Variants in UNC5A observed in about 807,000 individuals in gnomAD.
UNC5A encodes unc-5 netrin receptor A.
In UNC5A, 20 loss-of-function variants were observed where a neutral mutation model predicts 87.4. The ratio of observed to expected loss-of-function variants is 0.23; its 90% CI spans 0.16 to 0.33. The LOEUF (loss-of-function observed/expected upper bound fraction) is 0.33. UNC5A is among the 10% of genes least tolerant of loss of function. UNC5A has a pLI of 1.00. For synonymous variants in UNC5A, 438 were observed against 482.3 expected, an observed-to-expected ratio of 0.91 and a Z score of 1.20; for missense variants, 844 against 1,133.4, an observed-to-expected ratio of 0.74 and a Z score of 3.67.
chr5:176,853,404 G>A (rs1046093134), intron 1 of UNC5A, among the ~76,000 whole-genome samples: 7 of 152,116 alleles, frequency 4.6e-5, no homozygotes, highest in East Asian at 3.9e-4. Context: ...AGATGGGAGC[G>A]GTGCCGCCCC....
chr5:176,860,628 C>T (rs772227426), intron 1 of UNC5A, among the ~76,000 whole-genome samples: 1 of 151,934 alleles, frequency 6.6e-6, no homozygotes, highest in Non-Finnish European at 1.5e-5. Context: ...TCAGGTTCCC[C>T]GTCAATAAGG....
Position 176,852,090 on chromosome 5 carries a change from T to C in UNC5A, c.71-10534T>C, listed in dbSNP as rs1225947767. 3.9e-5 allele frequency among the ~76,000 whole-genome samples: 6 copies of C among 152,198 alleles called. No homozygotes were observed. In the South Asian group the frequency reaches 1.2e-3, roughly 32 times the overall value. ...TACCCTCTCTTGGCCTCTCGCCTTT[T>C]GGGGAGCTGTGCCAGGAATTCTTTA... On this transcript the variant is annotated intron_variant, in intron 1 of 14. Transcript: ENST00000329542.
intron 1 of UNC5A, among the ~76,000 whole-genome samples, chr5:176,861,832 G>A (rs1055343938): frequency 2.0e-5 from 3 of 152,246 alleles, no homozygotes; most frequent in African/African-American, 7.2e-5. Context: ...GGGAGGCTGA[G>A]GACCTGTTCA....
intron 11 of UNC5A, 48 bp from the exon 12 acceptor site, chr5:176,878,196 T>G: frequency 6.9e-6 from 11 of 1,603,508 alleles, no homozygotes; most frequent in Non-Finnish European, 9.4e-6. Context: ...ACTGCCTGCC[T>G]TGGGCGCAGT....
intron 2 of UNC5A, among the ~76,000 whole-genome samples, 194 bp from the exon 3 acceptor site, chr5:176,867,936 G>A (rs1758014243): frequency 6.6e-6 from 1 of 151,898 alleles, no homozygotes; most frequent in Non-Finnish European, 1.5e-5. Context: ...AGCGGCCCTT[G>A]GGCCCCCTGG....
intron 8 of UNC5A, among the ~76,000 whole-genome samples, chr5:176,876,063 G>T (rs1758255361): frequency 6.6e-6 from 1 of 152,252 alleles, no homozygotes; most frequent in Non-Finnish European, 1.5e-5. Flanking sequence ...CTGTGCTGTG[G>T]TTGACTTGTC....
intron 3 of UNC5A, 28 bp downstream of exon 3, chr5:176,868,301 G>C: frequency 5.0e-6 from 8 of 1,611,412 alleles, no homozygotes; most frequent in Non-Finnish European, 6.8e-6. Flanking sequence ...CCCTGGGGGA[G>C]GGCGCACGGC....
chr5:176,822,397 A>C (rs1187655498), intron 1 of UNC5A, among the ~76,000 whole-genome samples: 1 of 152,202 alleles, frequency 6.6e-6, no homozygotes, highest in Non-Finnish European at 1.5e-5. Context: ...TGAAACTAGC[A>C]GCAGTGGGCG....
chr5:176,868,309 G>C, intron 3 of UNC5A, 36 bp downstream of exon 3: 1 of 1,609,826 alleles, frequency 6.2e-7, no homozygotes, highest in African/African-American at 1.3e-5. Flanking sequence ...GAGGGCGCAC[G>C]GCGGGAGGGT....
intron 8 of UNC5A, 114 bp from the exon 9 acceptor site, chr5:176,877,078 C>T: frequency 1.2e-6 from 1 of 831,888 alleles, no homozygotes. Context: ...CCTCTGTCCC[C>T]AGGCCGGGCT....
chr5:176,820,090 G>A (rs919167858), intron 1 of UNC5A, among the ~76,000 whole-genome samples: 8 of 152,048 alleles, frequency 5.3e-5, no homozygotes, highest in African/African-American at 1.2e-4. Flanking sequence ...GTGAAACCTC[G>A]TCTCTACTAA....
chr5:176,869,108 C>A lies in UNC5A; in HGVS notation c.721+144C>A. On this transcript the variant is annotated intron_variant, in intron 5 of 14. Coordinates refer to ENST00000329542, the MANE Select transcript of UNC5A (RefSeq NM_133369.3). This position sits in a 1 kb window ranked among gnomAD's most constrained non-coding sequence, Gnocchi z 9.1. ...CTGACTAGGCAGGATAAGCAAAGGG[C>A]TCTCTGTGACTGCTGGGGGCCCAGG... 1 of 926,624 alleles carries A rather than the reference C, an allele frequency of 1.1e-6. No individual in the cohort carries two copies. Among genetic ancestry groups the A allele is most frequent in the Non-Finnish European group, 1.6e-6 (1 of 639,050 alleles). 57.4% of individuals were successfully genotyped at this position (926,624 alleles called of 1,614,324 possible).
At position 176,874,714 on chromosome 5, in the gene UNC5A, T is replaced by C; in HGVS notation, c.1378+148T>C. The C allele has an allele frequency of 1.1e-6, 1 of 947,310 alleles. No individual in the cohort carries two copies. Among genetic ancestry groups the C allele is most frequent in the Non-Finnish European group, 1.5e-6 (1 of 668,070 alleles). The allele number at this position is 947,310 out of a possible 1,614,324, so 58.7% of individuals were successfully genotyped here. Reference sequence around the variant, plus strand: ...GTTTTGGGGAGAACCCAGTCTTGGCTGGCACCGAGGCCGTGGCCAGAGCTG... The same window carrying C: ...GTTTTGGGGAGAACCCAGTCTTGGCCGGCACCGAGGCCGTGGCCAGAGCTG... On this transcript the variant is annotated intron_variant, in intron 8 of 14. Coordinates refer to ENST00000329542, the MANE Select transcript of UNC5A (RefSeq NM_133369.3). This position sits in a 1 kb window ranked among gnomAD's most constrained non-coding sequence, Gnocchi z 7.6.
intron 1 of UNC5A, among the ~76,000 whole-genome samples, chr5:176,847,416 C>A (rs1757437205): frequency 6.6e-6 from 1 of 152,088 alleles, no homozygotes; most frequent in South Asian, 2.1e-4. Flanking sequence ...GCTGCCGAGG[C>A]GGGGGGGCCC....
intron 6 of UNC5A, among the ~76,000 whole-genome samples, chr5:176,871,870 G>GC (rs56707213): frequency 4.4e-4 from 1 of 2,262 alleles, no homozygotes; most frequent in Non-Finnish European, 2.0e-3. Context: ...GCCCACACTC[G>GC]CCCAACACCA....
Position 176,844,411 on chromosome 5 carries a change from A to T in UNC5A, c.71-18213A>T, listed in dbSNP as rs1757352965. On this transcript the variant is annotated intron_variant, in intron 1 of 14. Coordinates refer to ENST00000329542, the MANE Select transcript of UNC5A (RefSeq NM_133369.3). This position sits in a 1 kb window ranked among gnomAD's most constrained non-coding sequence, Gnocchi z 4.2. Reference sequence around the variant, plus strand: ...TGGGCCTTCCCTGTGCCAGGGAAGGAGAGGCCAGGGGAAGTTTATGTCCAC... The same window carrying T: ...TGGGCCTTCCCTGTGCCAGGGAAGGTGAGGCCAGGGGAAGTTTATGTCCAC... Among the ~76,000 whole-genome samples, 1 of 152,056 alleles carries T rather than the reference A, an allele frequency of 6.6e-6. No individual in the cohort carries two copies. The highest frequency in any genetic ancestry group is 2.1e-4 in the South Asian group (1 of 4,820).
At chr5:176,852,248 T>TCACACACAC (rs372297927) in intron 1 of UNC5A, among the ~76,000 whole-genome samples, 13 of 151,248 alleles carry the variant, frequency 8.6e-5, no homozygotes, top group African/African-American at 3.2e-4. Flanking sequence ...TCACACACAC[T>TCACACACAC]CACACACACC....
At chr5:176,843,268 G>A (rs1269000710) in intron 1 of UNC5A, among the ~76,000 whole-genome samples, 2 of 152,260 alleles carry the variant, frequency 1.3e-5, no homozygotes, top group Non-Finnish European at 2.9e-5. Context: ...CGTCCACACG[G>A]TGGGGCACTG....
intron 1 of UNC5A, among the ~76,000 whole-genome samples, chr5:176,814,616 G>A (rs1158848131): frequency 6.6e-6 from 1 of 152,174 alleles, no homozygotes; most frequent in Non-Finnish European, 1.5e-5. Context: ...GCATACTGAT[G>A]TGCTTTGGGT....
Sources: allele counts gnomAD v4.1 joint callset (sites outside exome capture counted in the v4.1 genomes callset), GRCh38; gene constraint gnomAD v4.1.1; non-coding constraint Gnocchi (gnomAD v3.1); transcripts MANE v1.5; gene names NCBI Gene and HGNC (gene_info 2026-07-23, HGNC 2026-07-21).